Variants in KDM3B observed in about 807,000 individuals in gnomAD.
The protein encoded by KDM3B is lysine-specific demethylase 3B.
KDM3B carries 10 observed loss-of-function variants against 170.0 expected under a neutral mutation model. That is an observed-to-expected ratio of 0.06 (90% CI 0.04 to 0.10). The LOEUF is 0.10. Ranked by LOEUF, KDM3B falls within the 10% of genes least tolerant of loss-of-function variation. The probability of loss-of-function intolerance (pLI) is 1.00; values close to 1 mark genes in which losing one functional copy is unlikely to be tolerated. For missense variants in KDM3B, 1,394 were observed against 2,195.2 expected (o/e 0.64, Z 7.29); for synonymous variants, 831 against 834.8 (o/e 1.00, Z 0.08).
At chr5:138,426,436 A>G (rs564603925) in intron 17 of KDM3B, among the ~76,000 whole-genome samples, 3 of 151,746 alleles carry the variant, frequency 2.0e-5, no homozygotes, top group Non-Finnish European at 4.4e-5. Flanking sequence ...TTAGCCGGGC[A>G]TGGTGGCAGA....
chr5:138,380,956 C>T (rs1261223879), intron 5 of KDM3B, among the ~76,000 whole-genome samples: 1 of 151,870 alleles, frequency 6.6e-6, no homozygotes, highest in African/African-American at 2.4e-5. Context: ...CTCACTGCAA[C>T]CTCCGCCTCC....
chr5:138,409,794 GA>G (rs1326041201), intron 11 of KDM3B, among the ~76,000 whole-genome samples: 1 of 152,102 alleles, frequency 6.6e-6, no homozygotes, highest in African/African-American at 2.4e-5. Flanking sequence ...TAACAATAAT[GA>G]AAAATAGGCC....
At chr5:138,366,639 T>C (rs1311282682) in intron 1 of KDM3B, among the ~76,000 whole-genome samples, 1 of 152,162 alleles carries the variant, frequency 6.6e-6, no homozygotes, top group Non-Finnish European at 1.5e-5. Flanking sequence ...GCCCCCATTA[T>C]CTTTCTATAG....
At chr5:138,374,594 T>G (rs1176426567) in intron 2 of KDM3B, among the ~76,000 whole-genome samples, 1 of 152,202 alleles carries the variant, frequency 6.6e-6, no homozygotes, top group African/African-American at 2.4e-5. Flanking sequence ...AGTTGAACTT[T>G]TAGGAGAAGC....
intron 9 of KDM3B, among the ~76,000 whole-genome samples, chr5:138,396,288 G>T (rs1447797037): frequency 6.6e-6 from 1 of 151,954 alleles, no homozygotes; most frequent in African/African-American, 2.4e-5. Context: ...GTAGAGACAG[G>T]GTTTCACCGT....
rs116238017 is a variant in KDM3B at position 138,400,972 on chromosome 5, A to G, written c.3199+960A>G. On this transcript the variant is annotated intron_variant, in intron 11 of 23. Coordinates refer to ENST00000314358, the MANE Select transcript of KDM3B (RefSeq NM_016604.4). ...CTCTGTAGATTTGCCTATTCTGGACATGTCATAAAAATAGAATCAGCCAGG... is the reference window on the plus strand; with the variant it reads ...CTCTGTAGATTTGCCTATTCTGGACGTGTCATAAAAATAGAATCAGCCAGG... Among the ~76,000 whole-genome samples the G allele has an allele frequency of 1.7e-3, 251 of 151,598 alleles. 2 individuals carry two copies. Among genetic ancestry groups the G allele is most frequent in the African/African-American group, 5.7e-3 (236 of 41,278 alleles).
At chr5:138,360,538 G>GTT (rs1187556093) in intron 1 of KDM3B, among the ~76,000 whole-genome samples, 4 of 149,100 alleles carry the variant, frequency 2.7e-5, no homozygotes, top group Non-Finnish European at 5.9e-5. Context: ...GTGTGTGTGT[G>GTT]TGTGTGTGTG....
chr5:138,414,980 C>A (rs13153017), intron 11 of KDM3B, 152 bp from the exon 12 acceptor site: 151,332 of 448,122 alleles, frequency 0.34, 26,569 homozygotes, highest in South Asian at 0.46. Context: ...TAAATAAAAT[C>A]TCAGTAAAGC....
chr5:138,427,060 A>C lies in KDM3B; in HGVS notation c.4497A>C (p.Pro1499=). 1.2e-6 allele frequency: 2 copies of C among 1,614,000 alleles called. No individual in the cohort carries two copies. Among genetic ancestry groups the C allele is most frequent in the Non-Finnish European group, 1.7e-6 (2 of 1,179,848 alleles). Reference sequence around the variant, plus strand: ...GGGAAGATTTTCGAGACATGATGCCAACCAGGTTAGTGACCTGCAGTGGTG... The same window carrying C: ...GGGAAGATTTTCGAGACATGATGCCCACCAGGTTAGTGACCTGCAGTGGTG... ...PPGEDFRDMM[P]TRFEDLMENL... The change falls in exon 18 of 24, where the codon CCA becomes CCC. Residue 1499 remains proline (P), a synonymous_variant. Transcript: ENST00000314358.
chr5:138,352,788 C>A lies in KDM3B; in HGVS notation c.-8C>A. The A allele has an allele frequency of 7.8e-7, 1 of 1,274,388 alleles. No individual in the cohort carries two copies. The highest frequency in any genetic ancestry group is 3.5e-5 in the East Asian group (1 of 28,598). 78.9% of individuals were successfully genotyped at this position (1,274,388 alleles called of 1,614,324 possible). On this transcript the variant is annotated 5_prime_UTR_variant, in exon 1 of 24. Coordinates refer to ENST00000314358, the MANE Select transcript of KDM3B (RefSeq NM_016604.4). ...CGGGCGGGAGCGCGGGTCAGGCCGG[C>A]CCCGGCGATGGCGGACGCGGCGGCC... is the stretch of plus-strand genomic sequence containing the variant.
intron 11 of KDM3B, among the ~76,000 whole-genome samples, chr5:138,400,383 C>T (rs1245913215): frequency 1.3e-5 from 2 of 151,948 alleles, no homozygotes; most frequent in East Asian, 1.9e-4. Flanking sequence ...CATGAGCCAC[C>T]GTACCTGTGT....
intron 5 of KDM3B, among the ~76,000 whole-genome samples, chr5:138,379,982 A>G (rs1561765856): frequency 6.6e-6 from 1 of 152,132 alleles, no homozygotes; most frequent in Non-Finnish European, 1.5e-5. Context: ...AATCTGTAAA[A>G]CAATATATAA....
rs1274357920 is a variant in KDM3B, at chr5:138,391,763, A to G, written c.2131A>G (p.Thr711Ala). ...LVSGVLGSAL[T>A]SGGPSLSAMG... ...ATCTGGTGTTCTGGGCTCAGCTCTT[A>G]CCAGTGGGGGCCCAAGCCTCTCTGC... Residue 711 changes from threonine to alanine, a missense_variant, in exon 8 of 24, where the codon ACC becomes GCC. Transcript: ENST00000314358. The surrounding 1 kb of genome is among the most constrained non-coding windows in gnomAD (Gnocchi z 5.0). 1 of 1,613,726 alleles carries G rather than the reference A, an allele frequency of 6.2e-7. No individual in the cohort carries two copies. Among genetic ancestry groups the G allele is most frequent in the African/African-American group, 1.3e-5 (1 of 74,832 alleles).
chr5:138,382,149 TA>T (rs1762140479), intron 6 of KDM3B, among the ~76,000 whole-genome samples: 1 of 152,034 alleles, frequency 6.6e-6, no homozygotes, highest in Non-Finnish European at 1.5e-5. Context: ...CCAAAAAAGA[TA>T]CATTAAAGCT....
rs1418782480 is a variant in KDM3B, at chr5:138,431,469, A to T, written c.5115A>T (p.Val1705=). ...YSCIKVAEDF[V]SPEHVKHCFR... is the part of the protein sequence containing the mutation. ...GCATAAAAGTAGCAGAAGACTTTGT[A>T]TCTCCAGAACATGTAAAGCACTGTT... Residue 1705 remains valine (V), a synonymous_variant, in exon 23 of 24, where the codon GTA becomes GTT. Transcript: ENST00000314358. The T allele has an allele frequency of 6.2e-7, 1 of 1,612,070 alleles. No individual in the cohort carries two copies. Among genetic ancestry groups the T allele is most frequent in the South Asian group, 1.1e-5 (1 of 90,530 alleles).
chr5:138,371,214 C>G lies in KDM3B; in HGVS notation c.193-1460C>G, dbSNP rs574176912. ...GTAGCTCACGCCTGTAATCCCAGCA[C>G]TTTGTGAGGCTGAGGCAGGAAGATT... On this transcript the variant is annotated intron_variant, in intron 1 of 23. Transcript: ENST00000314358. Among the ~76,000 whole-genome samples, 133 of 152,162 alleles carry G rather than the reference C, an allele frequency of 8.7e-4. 1 individual carries two copies. The highest frequency in any genetic ancestry group is 2.5e-3 in the South Asian group (12 of 4,828).
At chr5:138,377,552 T>C (rs192254497) in intron 3 of KDM3B, among the ~76,000 whole-genome samples, 168 bp from the exon 4 acceptor site, 1 of 152,290 alleles carries the variant, frequency 6.6e-6, no homozygotes, top group African/African-American at 2.4e-5. Context: ...CCTCCCAAAG[T>C]ACTAAGATTA....
intron 11 of KDM3B, among the ~76,000 whole-genome samples, chr5:138,407,112 A>G (rs1224382131): frequency 6.6e-6 from 1 of 151,576 alleles, no homozygotes; most frequent in African/African-American, 2.4e-5. Context: ...CAGCCTCCCA[A>G]GTGGCTGGGA....
chr5:138,354,002 T>G (rs1761393570), intron 1 of KDM3B, among the ~76,000 whole-genome samples: 1 of 152,124 alleles, frequency 6.6e-6, no homozygotes, highest in South Asian at 2.1e-4. Flanking sequence ...ATGTAATAGA[T>G]CAGCAAGCAG....
Sources: gnomAD v4.1 joint callset for allele counts (sites outside exome capture counted in the v4.1 genomes callset) on GRCh38, gnomAD v4.1.1 for gene constraint, Gnocchi (gnomAD v3.1) non-coding constraint, MANE v1.5 for transcripts, NCBI Gene and HGNC (gene_info 2026-07-23, HGNC 2026-07-21) for gene names.